Variants in SORCS2 observed in about 807,000 individuals in gnomAD.
SORCS2 encodes the protein VPS10 domain-containing receptor SorCS2.
SORCS2 carries 100 observed loss-of-function variants against 141.6 expected under a neutral mutation model. The ratio of observed to expected loss-of-function variants is 0.71; its 90% confidence interval spans 0.60 to 0.83. The LOEUF (loss-of-function observed/expected upper bound fraction) is 0.83, where lower values mean the gene tolerates loss of function less well. SORCS2 is among the 40% of genes least tolerant of loss of function. SORCS2 has a pLI of 0.00. For missense variants in SORCS2, 1,646 were observed against 1,560.2 expected (o/e 1.05, Z -0.93); for synonymous variants, 789 against 676.9 (o/e 1.17, Z -2.57).
chr4:7,382,596 G>A (rs763667209), intron 1 of SORCS2, among the ~76,000 whole-genome samples: 6 of 152,198 alleles, frequency 3.9e-5, no homozygotes, highest in Admixed American at 2.6e-4. Flanking sequence ...TGACATGCCT[G>A]TATGTTTAGT....
intron 3 of SORCS2, among the ~76,000 whole-genome samples, chr4:7,590,212 C>A (rs996461848): frequency 3.9e-5 from 6 of 152,154 alleles, no homozygotes; most frequent in African/African-American, 1.4e-4. Flanking sequence ...TGATTTGTCC[C>A]AACATTAAAT....
intron 26 of SORCS2, among the ~76,000 whole-genome samples, chr4:7,738,842 G>T (rs1359145852): frequency 6.6e-6 from 1 of 152,154 alleles, no homozygotes; most frequent in Non-Finnish European, 1.5e-5. Context: ...CAGCTGAATG[G>T]ACTGGCCACG....
chr4:7,497,004 G>T (rs557424431), intron 2 of SORCS2, among the ~76,000 whole-genome samples: 1 of 152,238 alleles, frequency 6.6e-6, no homozygotes, highest in African/African-American at 2.4e-5. Context: ...GTGCTCTTGC[G>T]CTGACACACG....
chr4:7,577,505 GC>G (rs1237839502), intron 3 of SORCS2, among the ~76,000 whole-genome samples: 19 of 151,296 alleles, frequency 1.3e-4, no homozygotes, highest in African/African-American at 4.1e-4. Flanking sequence ...GTCAGCTAGT[GC>G]CATGGTTTGG....
chr4:7,373,744 G>A (rs1159540202), intron 1 of SORCS2, among the ~76,000 whole-genome samples: 5 of 151,296 alleles, frequency 3.3e-5, no homozygotes, highest in African/African-American at 1.2e-4. Context: ...CACCCGCCTC[G>A]GCCTCCCAAA....
At chr4:7,285,948 G>A (rs544478200) in intron 1 of SORCS2, among the ~76,000 whole-genome samples, 32 of 152,286 alleles carry the variant, frequency 2.1e-4, no homozygotes, top group East Asian at 9.7e-4. Flanking sequence ...GCAGTGTAGC[G>A]TGGAGGCCCA....
intron 2 of SORCS2, among the ~76,000 whole-genome samples, chr4:7,484,756 C>A (rs1378495123): frequency 6.6e-6 from 1 of 152,164 alleles, no homozygotes; most frequent in Non-Finnish European, 1.5e-5. Context: ...ATCTTCACAA[C>A]ACACACCACC....
intron 1 of SORCS2, among the ~76,000 whole-genome samples, chr4:7,370,737 CT>C (rs1455547321): frequency 3.9e-5 from 6 of 152,198 alleles, no homozygotes; most frequent in Non-Finnish European, 8.8e-5. Context: ...TGCCTTGATC[CT>C]GTGTGACATT....
At chr4:7,245,065 G>A (rs922098566) in intron 1 of SORCS2, among the ~76,000 whole-genome samples, 9 of 152,192 alleles carry the variant, frequency 5.9e-5, no homozygotes, top group African/African-American at 1.4e-4. Flanking sequence ...GGATGGGGCC[G>A]AGGGTCCTGT....
At chr4:7,212,020 C>T (rs1465472312) in intron 1 of SORCS2, among the ~76,000 whole-genome samples, 1 of 152,204 alleles carries the variant, frequency 6.6e-6, no homozygotes, top group East Asian at 1.9e-4. Flanking sequence ...CCTCGGTGGC[C>T]TGAATTTCCA....
chr4:7,454,840 T>G (rs1190132198), intron 2 of SORCS2, among the ~76,000 whole-genome samples: 11 of 132,356 alleles, frequency 8.3e-5, no homozygotes, highest in South Asian at 2.7e-4. Context: ...GTGCTGTGTG[T>G]TGGGGTCAGG....
intron 14 of SORCS2, among the ~76,000 whole-genome samples, chr4:7,711,576 T>C (rs776647805): frequency 7.2e-5 from 11 of 152,100 alleles, no homozygotes; most frequent in Non-Finnish European, 1.6e-4. Flanking sequence ...GGAGCCTAAG[T>C]GTGTGGTACT....
chr4:7,581,623 C>G (rs762432559), intron 3 of SORCS2, among the ~76,000 whole-genome samples: 1 of 152,162 alleles, frequency 6.6e-6, no homozygotes, highest in Non-Finnish European at 1.5e-5. Flanking sequence ...CAAACTCCAC[C>G]CAGGACAGGA....
chr4:7,637,916 T>G (rs1720376024), intron 3 of SORCS2, among the ~76,000 whole-genome samples: 1 of 152,106 alleles, frequency 6.6e-6, no homozygotes, highest in Non-Finnish European at 1.5e-5. Flanking sequence ...ACCCACCATT[T>G]CTGGGCACCC....
At position 7,549,616 on chromosome 4, in the gene SORCS2, A is replaced by G. The variant is rs114786815; in HGVS notation, c.648+17987A>G. On this transcript the variant is annotated intron_variant, in intron 3 of 26. Transcript: ENST00000507866. ...ATTGGGACATGGATGCTTTCTGCAC[A>G]GAAAGGGAGAAATTCAGTAATGCTT... Among the ~76,000 whole-genome samples the G allele has an allele frequency of 9.7e-3, 1,472 of 152,330 alleles. 22 individuals carry two copies. Among genetic ancestry groups the G allele is most frequent in the African/African-American group, 0.033 (1,359 of 41,568 alleles).
rs1385605288 is a variant in SORCS2, at chr4:7,560,619, T to A, written c.648+28990T>A. On this transcript the variant is annotated intron_variant, in intron 3 of 26. Coordinates refer to ENST00000507866, the MANE Select transcript of SORCS2 (RefSeq NM_020777.3). Reference sequence around the variant, plus strand: ...TCCACCCCTGGCCCCTGCACTGACATCTTTGAAGGACAGTAAAGAAATAGG... The same window carrying A: ...TCCACCCCTGGCCCCTGCACTGACAACTTTGAAGGACAGTAAAGAAATAGG... Among the ~76,000 whole-genome samples the A allele has an allele frequency of 3.9e-5, 6 of 152,194 alleles. No homozygotes were observed. In the East Asian group the frequency reaches 1.2e-3, roughly 29 times the overall value.
intron 21 of SORCS2, 82 bp from the exon 22 acceptor site, chr4:7,728,268 G>A (rs940985098): frequency 1.3e-5 from 13 of 970,470 alleles, no homozygotes; most frequent in Middle Eastern, 2.1e-4. Context: ...CAGGGCATGT[G>A]GCTGCCCCCG....
chr4:7,269,333 G>C (rs188145503), intron 1 of SORCS2, among the ~76,000 whole-genome samples: 11 of 152,348 alleles, frequency 7.2e-5, no homozygotes, highest in African/African-American at 2.4e-4. Context: ...CAGGGCCCCC[G>C]GTTGCACCAT....
At chr4:7,613,019 C>T (rs1013191440) in intron 3 of SORCS2, among the ~76,000 whole-genome samples, 1 of 152,254 alleles carries the variant, frequency 6.6e-6, no homozygotes, top group East Asian at 1.9e-4. Context: ...AAGCCCCTCT[C>T]TCTCCACCTC....
Sources: allele counts gnomAD v4.1 joint callset (sites outside exome capture counted in the v4.1 genomes callset), GRCh38; gene constraint gnomAD v4.1.1; transcripts MANE v1.5; gene names NCBI Gene and HGNC (gene_info 2026-07-23, HGNC 2026-07-21).